SEMA3A: variants seen among roughly 807,000 people sequenced by gnomAD.
SEMA3A encodes semaphorin-3A.
SEMA3A carries 29 observed loss-of-function variants against 97.9 expected under a neutral mutation model. The ratio of observed to expected loss-of-function variants is 0.30; its 90% CI spans 0.22 to 0.40. The LOEUF (loss-of-function observed/expected upper bound fraction) is 0.40. Among genes scored for constraint, SEMA3A ranks in the 10% least tolerant of loss-of-function variants. SEMA3A has a pLI of 1.00. For missense variants in SEMA3A, 763 were observed against 951.3 expected, an observed-to-expected ratio of 0.80 and a Z score of 2.60; for synonymous variants, 321 against 323.7, an observed-to-expected ratio of 0.99 and a Z score of 0.09.
In SEMA3A at chr7:84,407,363, A is replaced by C. The variant is rs1804123679; in HGVS notation, c.-245-35463T>G. Among the ~76,000 whole-genome samples, 4 of 152,308 alleles carry C rather than the reference A, an allele frequency of 2.6e-5. 1 individual carries two copies. Among genetic ancestry groups the C allele is most frequent in the African/African-American group, 9.6e-5 (4 of 41,554 alleles). On this transcript the variant is annotated intron_variant, in intron 1 of 3. Transcript: ENST00000424555. ...GATATGAAGGACCTCTTCAAGGAGA[A>C]CTACAAACCACTGCTCAATGAAATA... is the stretch of plus-strand genomic sequence containing the variant.
Position 84,068,542 on chromosome 7 carries a change from G to T in SEMA3A, c.454-7984C>A, listed in dbSNP as rs138006512. Among the ~76,000 whole-genome samples the T allele has an allele frequency of 7.5e-3, 1,144 of 151,794 alleles. 10 individuals are homozygous for T. The highest frequency in any genetic ancestry group is 0.027 in the African/African-American group (1,106 of 41,388). On this transcript the variant is annotated intron_variant, in intron 4 of 16. Coordinates refer to ENST00000265362, the MANE Select transcript of SEMA3A (RefSeq NM_006080.3). ...ACAAAATATTAAAATATGTATATGC[G>T]ACTATATATTACAGACTAAAAGAAG...
intron 3 of SEMA3A, among the ~76,000 whole-genome samples, chr7:84,253,573 A>G (rs1799655887): frequency 6.6e-6 from 1 of 152,182 alleles, no homozygotes; most frequent in African/African-American, 2.4e-5. Flanking sequence ...ATATATATGC[A>G]TATAATATAC....
At chr7:84,444,591 T>A (rs962906949) in intron 1 of SEMA3A, among the ~76,000 whole-genome samples, 2 of 150,492 alleles carry the variant, frequency 1.3e-5, no homozygotes, top group Non-Finnish European at 3.0e-5. Flanking sequence ...AGACGGAGTC[T>A]GGCTCTGTCT....
intron 1 of SEMA3A, among the ~76,000 whole-genome samples, chr7:84,469,264 A>G (rs1806083653): frequency 6.6e-6 from 1 of 152,136 alleles, no homozygotes; most frequent in Non-Finnish European, 1.5e-5. Context: ...ATCCCATTCA[A>G]CTGTAACCCT....
chr7:84,267,869 C>A (rs1800044403), intron 3 of SEMA3A, among the ~76,000 whole-genome samples: 1 of 152,066 alleles, frequency 6.6e-6, no homozygotes, highest in African/African-American at 2.4e-5. Flanking sequence ...AAACTTTATT[C>A]TTTTCTAAAT....
intron 1 of SEMA3A, among the ~76,000 whole-genome samples, chr7:84,180,738 A>T (rs1399745943): frequency 6.6e-6 from 1 of 152,066 alleles, no homozygotes; most frequent in East Asian, 1.9e-4. Flanking sequence ...TAACCTGATG[A>T]TACACTAAAT....
chr7:84,289,774 T>A (rs1222988306), intron 3 of SEMA3A, among the ~76,000 whole-genome samples: 1 of 152,148 alleles, frequency 6.6e-6, no homozygotes, highest in Non-Finnish European at 1.5e-5. Flanking sequence ...CTTGTAGATA[T>A]GTACCAACGA....
intron 3 of SEMA3A, among the ~76,000 whole-genome samples, chr7:84,280,599 C>G (rs1374447269): frequency 6.6e-6 from 1 of 151,960 alleles, no homozygotes; most frequent in Non-Finnish European, 1.5e-5. Flanking sequence ...GCCTGGCCAA[C>G]ATGGTGAAAC....
chr7:84,379,260 T>G (rs1033602473), intron 1 of SEMA3A, among the ~76,000 whole-genome samples: 13 of 152,198 alleles, frequency 8.5e-5, no homozygotes, highest in Non-Finnish European at 1.5e-4. Context: ...TTCTAAGTTT[T>G]AATGAAACGG....
intron 1 of SEMA3A, among the ~76,000 whole-genome samples, chr7:84,170,209 G>A (rs955470689): frequency 2.6e-5 from 4 of 151,846 alleles, no homozygotes; most frequent in Non-Finnish European, 5.9e-5. Context: ...ATCTTGTAAC[G>A]ATAAAAGATT....
chr7:84,001,985 C>T lies in SEMA3A; in HGVS notation c.1422G>A (p.Glu474=). The T allele has an allele frequency of 6.2e-7, 1 of 1,612,794 alleles. No homozygotes were observed. The highest frequency in any genetic ancestry group is 1.3e-5 in the African/African-American group (1 of 74,978). The change falls in exon 12 of 17, where the codon GAG becomes GAA. Residue 474 remains glutamate (E), a synonymous_variant. Coordinates refer to ENST00000265362, the MANE Select transcript of SEMA3A (RefSeq NM_006080.3). ...AAACTGTCATTTCTTCCAGCAGAAC[C>T]TCTTCTAAATCATACCAAGTCTCCT... is the stretch of plus-strand genomic sequence containing the variant. ...IPKETWYDLE[E]VLLEEMTVFR...
chr7:84,270,664 T>G (rs1363923760), intron 3 of SEMA3A, among the ~76,000 whole-genome samples: 2 of 148,468 alleles, frequency 1.3e-5, no homozygotes, highest in Non-Finnish European at 3.0e-5. Flanking sequence ...TCTATTCATA[T>G]ATATATGAAT....
chr7:84,312,820 T>G lies in SEMA3A; in HGVS notation c.-168-5528A>C, dbSNP rs113192092. On this transcript the variant is annotated intron_variant, in intron 2 of 3. Transcript: ENST00000424555. ...ACCCAAGTGCCCAAGTGTTCAGTAC[T>G]ACCAACGTTTCTGGAGTCCCTATTT... is the stretch of plus-strand genomic sequence containing the variant. Among the ~76,000 whole-genome samples, 4 of 140,400 alleles carry G rather than the reference T, an allele frequency of 2.8e-5. 1 individual carries two copies. Among genetic ancestry groups the G allele is most frequent in the African/African-American group, 1.1e-4 (4 of 38,022 alleles). 92.1% of individuals were successfully genotyped at this position (140,400 alleles called of 152,430 possible).
intron 1 of SEMA3A, among the ~76,000 whole-genome samples, chr7:84,400,637 T>C (rs1228254046): frequency 1.3e-5 from 2 of 152,100 alleles, no homozygotes; most frequent in East Asian, 1.9e-4. Context: ...ATCTAGAAAA[T>C]AGCCTCAAAG....
At chr7:84,318,222 G>T (rs1419543721) in intron 2 of SEMA3A, among the ~76,000 whole-genome samples, 3 of 151,334 alleles carry the variant, frequency 2.0e-5, no homozygotes. Flanking sequence ...ACTGTTAATA[G>T]TGATGATTTG....
chr7:84,001,069 G>GTGT (rs1790424980), intron 12 of SEMA3A, among the ~76,000 whole-genome samples: 37 of 147,930 alleles, frequency 2.5e-4, no homozygotes, highest in Admixed American at 6.1e-4. Flanking sequence ...TCTAATACGT[G>GTGT]TTTTTTTTTT....
At chr7:84,124,879 C>T (rs1468225301) in intron 3 of SEMA3A, among the ~76,000 whole-genome samples, 4 of 151,382 alleles carry the variant, frequency 2.6e-5, no homozygotes, top group African/African-American at 9.7e-5. Flanking sequence ...ATGAGGTTAA[C>T]TGAAAATTAA....
intron 1 of SEMA3A, among the ~76,000 whole-genome samples, chr7:84,480,519 C>T (rs1806418188): frequency 6.6e-6 from 1 of 152,124 alleles, no homozygotes; most frequent in Non-Finnish European, 1.5e-5. Flanking sequence ...AATTTTAATA[C>T]ATCTTGATCT....
intron 5 of SEMA3A, among the ~76,000 whole-genome samples, chr7:84,047,867 T>A (rs1792415126): frequency 6.6e-6 from 1 of 151,992 alleles, no homozygotes; most frequent in Admixed American, 6.6e-5. Context: ...AAAATTTATA[T>A]TCATAGTGGC....
Sources: allele counts gnomAD v4.1 joint callset (sites outside exome capture counted in the v4.1 genomes callset), GRCh38; gene constraint gnomAD v4.1.1; transcripts MANE v1.5; gene names NCBI Gene and HGNC (gene_info 2026-07-23, HGNC 2026-07-21).